ZNF208: variants seen among roughly 807,000 people sequenced by gnomAD.
ZNF208 encodes the protein zinc finger protein 208.
ZNF208 carries 10 observed loss-of-function variants against 12.1 expected under a neutral mutation model. The observed-to-expected ratio is 0.83, with a 90% CI of 0.51 to 1.40. The LOEUF (loss-of-function observed/expected upper bound fraction) is 1.40. Among genes scored for constraint, ZNF208 ranks in the 40% most tolerant of loss-of-function variants. ZNF208 has a pLI of 0.00. For missense variants in ZNF208, 1,652 were observed against 1,485.0 expected (o/e 1.11, Z -1.85); for synonymous variants, 497 against 488.4 (o/e 1.02, Z -0.23).
At position 21,969,911 on chromosome 19, in the gene ZNF208, A is replaced by T. The variant is rs770606117; in HGVS notation, c.*1280T>A. On this transcript the variant is annotated 3_prime_UTR_variant, in exon 4 of 4. Coordinates refer to ENST00000397126, the MANE Select transcript of ZNF208 (RefSeq NM_007153.3). The stretch of plus-strand genomic sequence containing the variant: ...GAAGATATTACTGGCATTAACAAAA[A>T]TTTTTTTTTCCAGACAGTCTCTCTC... Among the ~76,000 whole-genome samples the T allele has an allele frequency of 3.0e-4, 45 of 151,768 alleles. No homozygotes were observed. The highest frequency in any genetic ancestry group is 5.8e-4 in the East Asian group (3 of 5,180).
intron 3 of ZNF208, among the ~76,000 whole-genome samples, chr19:21,985,588 G>T (rs887116455): frequency 6.6e-6 from 1 of 152,168 alleles, no homozygotes; most frequent in Non-Finnish European, 1.5e-5. Flanking sequence ...TGGTCCCACG[G>T]AGAATTTTGA....
Position 21,971,165 on chromosome 19 carries a change from T to C in ZNF208, c.*26A>G, listed in dbSNP as rs1216267333. 4 of 1,611,872 alleles carry C rather than the reference T, an allele frequency of 2.5e-6. No homozygotes were observed. The highest frequency in any genetic ancestry group is 2.5e-6 in the Non-Finnish European group (3 of 1,179,338). On this transcript the variant is annotated 3_prime_UTR_variant, in exon 4 of 4. Transcript: ENST00000397126. ...ATAACTAAGGGTTGAGGGCCACTTA[T>C]AGGCTTTGCCACATTCTTCACATTT... is the stretch of plus-strand genomic sequence containing the variant.
intron 4 of ZNF208, among the ~76,000 whole-genome samples, chr19:21,958,173 C>T (rs1378096494): frequency 9.7e-6 from 1 of 102,736 alleles, no homozygotes; most frequent in Non-Finnish European, 2.2e-5. Context: ...TGAGTAGTTT[C>T]TAACAAAAAA....
intron 4 of ZNF208, among the ~76,000 whole-genome samples, chr19:21,959,632 G>A (rs1970032576): frequency 6.6e-6 from 1 of 152,134 alleles, no homozygotes; most frequent in Admixed American, 6.6e-5. Flanking sequence ...TGCGGATTAA[G>A]CAGACAGCTA....
At chr19:22,010,476 A>G (rs759845654) in intron 1 of ZNF208, among the ~76,000 whole-genome samples, 6 of 152,202 alleles carry the variant, frequency 3.9e-5, no homozygotes, top group Non-Finnish European at 8.8e-5. Flanking sequence ...ACCCCAAGTC[A>G]GGATTCTCCT....
intron 4 of ZNF208, among the ~76,000 whole-genome samples, chr19:21,960,327 G>A (rs997163871): frequency 1.3e-5 from 2 of 151,770 alleles, no homozygotes; most frequent in African/African-American, 4.8e-5. Flanking sequence ...TAGAAATAAA[G>A]GTATCTAAGT....
At chr19:21,982,357 C>CA (rs34234040) in intron 3 of ZNF208, among the ~76,000 whole-genome samples, 37,598 of 107,174 alleles carry the variant, frequency 0.35, 6,692 homozygotes, top group East Asian at 0.48. Flanking sequence ...GACTCCATCT[C>CA]AAAAAAAAAA....
rs1970360795 is a variant in ZNF208, at chr19:21,973,753, A to T, written c.1281T>A (p.Cys427Ter). 1 of 1,606,064 alleles carries T rather than the reference A, an allele frequency of 6.2e-7. No homozygotes were observed. The highest frequency in any genetic ancestry group is 8.5e-7 in the Non-Finnish European group (1 of 1,173,730). The stretch of plus-strand genomic sequence containing the variant: ...AGTTGAAAGCTTTGCCACATTCTTC[A>T]CATTTGTAGGGTTTCTCTCCAGTAT... ...VIHTGEKPYKCEECGKAFNWS... is the reference protein window; with the variant it reads ...VIHTGEKPYK The change falls in exon 4 of 4, where the codon TGT (cysteine) becomes TGA (stop). Residue 427 changes from cysteine (C) to a stop codon, truncating the protein, a stop_gained. Coordinates refer to ENST00000397126, the MANE Select transcript of ZNF208 (RefSeq NM_007153.3). LOFTEE classifies it low-confidence loss of function (END_TRUNC).
intron 4 of ZNF208, chr19:21,941,128 A>G: frequency 2.6e-6 from 1 of 380,320 alleles, no homozygotes; most frequent in Non-Finnish European, 4.7e-6. Context: ...TCAGACGCCA[A>G]GAACAGAAGA....
rs995279095 is a variant in ZNF208, at chr19:22,010,912, C to T, written c.-118G>A. On this transcript the variant is annotated 5_prime_UTR_variant, in exon 1 of 4. Coordinates refer to ENST00000397126, the MANE Select transcript of ZNF208 (RefSeq NM_007153.3). ...AGGACACACAGCAGTAAGGACGAGACCTTGACCTCCGGCTGCAGCGAGAGA... is the reference window on the plus strand; with the variant it reads ...AGGACACACAGCAGTAAGGACGAGATCTTGACCTCCGGCTGCAGCGAGAGA... The T allele has an allele frequency of 1.4e-6, 2 of 1,455,930 alleles. No individual in the cohort carries two copies. The highest frequency in any genetic ancestry group is 2.8e-5 in the African/African-American group (2 of 71,664). 90.2% of individuals were successfully genotyped at this position (1,455,930 alleles called of 1,614,324 possible).
chr19:21,974,114 T>C lies in ZNF208; in HGVS notation c.920A>G (p.His307Arg), dbSNP rs1340012894. ...VSTLTTHKAIHAGEKPYKCKE... is the reference protein window; with the variant it reads ...VSTLTTHKAIRAGEKPYKCKE... ...ACATTTGTAGGGCTTCTCTCCAGCA[T>C]GAATTGCCTTATGTGTAGTAAGAGT... Residue 307 changes from histidine to arginine, a missense_variant, in exon 4 of 4, where the codon CAT (histidine) becomes CGT (arginine). Coordinates refer to ENST00000397126, the MANE Select transcript of ZNF208 (RefSeq NM_007153.3). The C allele has an allele frequency of 1.9e-6, 3 of 1,593,754 alleles. No homozygotes were observed. The highest frequency in any genetic ancestry group is 2.6e-6 in the Non-Finnish European group (3 of 1,169,292).
intron 4 of ZNF208, among the ~76,000 whole-genome samples, chr19:21,954,995 CTT>C (rs1168995527): frequency 6.6e-6 from 1 of 152,144 alleles, no homozygotes; most frequent in Non-Finnish European, 1.5e-5. Flanking sequence ...ATGTTTAGTG[CTT>C]CCTTCAGGAG....
At chr19:21,988,185 A>G (rs1415028415) in intron 2 of ZNF208, among the ~76,000 whole-genome samples, 1 of 152,204 alleles carries the variant, frequency 6.6e-6, no homozygotes, top group Non-Finnish European at 1.5e-5. Context: ...TGGTAAGTTC[A>G]GGTCAAGATG....
downstream of ZNF208, among the ~76,000 whole-genome samples, chr19:21,962,867 T>C (rs539593092): frequency 6.6e-6 from 1 of 152,176 alleles, no homozygotes; most frequent in South Asian, 2.1e-4. Context: ...CTAGCAAACA[T>C]AGAGCAGAAA....
In ZNF208 at chr19:21,972,075, T is replaced by C. The variant is rs1970300161; in HGVS notation, c.2959A>G (p.Ile987Val). 4 of 1,613,630 alleles carry C rather than the reference T, an allele frequency of 2.5e-6. No individual in the cohort carries two copies. The highest frequency in any genetic ancestry group is 2.2e-5 in the East Asian group (1 of 44,826). Residue 987 changes from isoleucine (I) to valine (V), a missense_variant, in exon 4 of 4, where the codon ATC (isoleucine) becomes GTC (valine). Ile to Val is a conservative substitution (Grantham distance 29). Coordinates refer to ENST00000397126, the MANE Select transcript of ZNF208 (RefSeq NM_007153.3). The stretch of plus-strand genomic sequence containing the variant: ...TGAATTACCTTATGTTTAGTAAGGA[T>C]TGAGAATGTACTAAAGCCTTTGCCA... ...ECGKGFSTFS[I>V]LTKHKVIHTG...
chr19:21,964,516 G>A (rs1478583965), downstream of ZNF208, among the ~76,000 whole-genome samples: 4 of 151,408 alleles, frequency 2.6e-5, no homozygotes, highest in Non-Finnish European at 5.9e-5. Flanking sequence ...TATTAAACAA[G>A]TAAACAAAAA....
At chr19:22,006,789 G>T (rs1279972767) in intron 1 of ZNF208, among the ~76,000 whole-genome samples, 1 of 152,158 alleles carries the variant, frequency 6.6e-6, no homozygotes, top group Non-Finnish European at 1.5e-5. Context: ...CCAGCAAAAT[G>T]ATTCAAAAAC....
chr19:21,953,999 G>C (rs1468850424), intron 4 of ZNF208, among the ~76,000 whole-genome samples: 1 of 152,146 alleles, frequency 6.6e-6, no homozygotes, highest in East Asian at 1.9e-4. Flanking sequence ...TCTACACACT[G>C]CTTAAAATGT....
At chr19:21,940,307 T>G (rs2145506423) in intron 4 of ZNF208, 1 of 152,326 alleles carries the variant, frequency 6.6e-6, no homozygotes, top group South Asian at 2.1e-4. Context: ...TTTTAGTTAT[T>G]ATTGTTTAGT....
Sources: allele counts gnomAD v4.1 joint callset (sites outside exome capture counted in the v4.1 genomes callset), GRCh38; gene constraint gnomAD v4.1.1; transcripts MANE v1.5; gene names NCBI Gene and HGNC (gene_info 2026-07-23, HGNC 2026-07-21).